Variants in CHEK2 observed in about 807,000 individuals in gnomAD.
CHEK2 encodes serine/threonine-protein kinase Chk2.
CHEK2 carries 71 observed loss-of-function variants against 69.1 expected under a neutral mutation model. The ratio of observed to expected loss-of-function variants is 1.03; its 90% confidence interval spans 0.85 to 1.25. The LOEUF (loss-of-function observed/expected upper bound fraction) is 1.25, where lower values mean the gene tolerates loss of function less well. Among genes scored for constraint, CHEK2 ranks in the 50% most tolerant of loss-of-function variants. The probability of loss-of-function intolerance (pLI) is 0.00; values close to 1 mark genes in which losing one functional copy is unlikely to be tolerated. For missense variants in CHEK2, 664 were observed against 649.6 expected (o/e 1.02, Z -0.24); for synonymous variants, 189 against 226.9 (o/e 0.83, Z 1.50).
intron 5 of CHEK2, 36 bp from the exon 6 acceptor site, chr22:28,712,053 GT>G (rs767849599): frequency 6.7e-7 from 1 of 1,485,850 alleles, no homozygotes; most frequent in African/African-American, 1.4e-5. Flanking sequence ...TTGTCTGAAT[GT>G]TTTTAATTAT....
Position 28,725,464 on chromosome 22 carries a change from G to A in CHEK2, c.320-97C>T, listed in dbSNP as rs2146074367. On this transcript the variant is annotated intron_variant, in intron 2 of 14. Transcript: ENST00000404276. The stretch of plus-strand genomic sequence containing the variant: ...TGCTAATTGTAGGAAAATAGCCTAA[G>A]AAGGCAATCAGAATTATCAATCTGC... The A allele has an allele frequency of 2.9e-6, 4 of 1,394,494 alleles. No individual in the cohort carries two copies. In the African/African-American group the frequency reaches 4.2e-5, roughly 15 times the overall value. 86.4% of individuals were successfully genotyped at this position (1,394,494 alleles called of 1,614,324 possible).
chr22:28,703,029 T>C (rs1335867882), intron 8 of CHEK2, among the ~76,000 whole-genome samples: 2 of 152,224 alleles, frequency 1.3e-5, no homozygotes, highest in African/African-American at 2.4e-5. Context: ...GTTGGTTGAA[T>C]ACACGGATGT....
At chr22:28,706,729 G>A (rs1471409491) in intron 7 of CHEK2, among the ~76,000 whole-genome samples, 1 of 152,136 alleles carries the variant, frequency 6.6e-6, no homozygotes, top group Non-Finnish European at 1.5e-5. Flanking sequence ...GACCAGCCTG[G>A]CCAACATGGC....
chr22:28,704,901 C>A (rs12167378), intron 7 of CHEK2, among the ~76,000 whole-genome samples: 6,835 of 152,136 alleles, frequency 0.045, 178 homozygotes, highest in Middle Eastern at 0.071. Flanking sequence ...ATGGAACCTT[C>A]CCACAATGAA....
In CHEK2 at chr22:28,723,267, T is replaced by C. The variant is rs545295243; in HGVS notation, c.592+1710A>G. 5.9e-5 allele frequency among the ~76,000 whole-genome samples: 9 copies of C among 152,278 alleles called. No individual in the cohort carries two copies. In the South Asian group the frequency reaches 1.4e-3, roughly 25 times the overall value. On this transcript the variant is annotated intron_variant, in intron 4 of 14. Coordinates refer to ENST00000404276, the MANE Select transcript of CHEK2 (RefSeq NM_007194.4). ...AGGTAGAAGCTCTAAAGTGAGCCTCTTACAGAAGCACTCACAGCCTAGTAC... is the reference window on the plus strand; with the variant it reads ...AGGTAGAAGCTCTAAAGTGAGCCTCCTACAGAAGCACTCACAGCCTAGTAC...
chr22:28,736,578 T>C (rs999363241), intron 1 of CHEK2, among the ~76,000 whole-genome samples: 2 of 152,244 alleles, frequency 1.3e-5, no homozygotes, highest in African/African-American at 2.4e-5. Context: ...GGAACCATTC[T>C]TTTATAAACT....
chr22:28,728,707 AAAAAC>A (rs868183885), intron 2 of CHEK2, among the ~76,000 whole-genome samples: 8 of 152,292 alleles, frequency 5.3e-5, no homozygotes, highest in African/African-American at 1.2e-4. Flanking sequence ...CTGTCTCCAA[AAAAAC>A]AAAACAAAAC....
At chr22:28,699,771 G>C (rs1160590472) in intron 9 of CHEK2, 67 bp downstream of exon 9, 15 of 1,085,490 alleles carry the variant, frequency 1.4e-5, no homozygotes, top group Non-Finnish European at 1.9e-5. Flanking sequence ...CTCGATTTCT[G>C]CCTAATTCAG....
chr22:28,706,298 T>TCTCA lies in CHEK2; in HGVS notation c.847-2733_847-2732insTGAG, dbSNP rs556713073. ...CCTGGCAACAGAGCAACACTCCAGC[T>TCTCA]CACACACACACACACACACACACAC... On this transcript the variant is annotated intron_variant, in intron 7 of 14. Transcript: ENST00000404276. Among the ~76,000 whole-genome samples the TCTCA allele has an allele frequency of 4.1e-5, 6 of 147,974 alleles. No homozygotes were observed. In the East Asian group the frequency reaches 8.0e-4, roughly 20 times the overall value.
At chr22:28,691,240 G>A (rs896540263) in intron 13 of CHEK2, among the ~76,000 whole-genome samples, 1 of 152,220 alleles carries the variant, frequency 6.6e-6, no homozygotes, top group Non-Finnish European at 1.5e-5. Flanking sequence ...AGCACTTTGG[G>A]AGGCCAAGGT....
At chr22:28,734,790 G>T (rs2146159458) in intron 1 of CHEK2, 63 bp from the exon 2 acceptor site, 161 of 1,157,230 alleles carry the variant, frequency 1.4e-4, no homozygotes, top group Non-Finnish European at 1.8e-4. Context: ...AAATTAAAAA[G>T]TAAATGATGG....
At chr22:28,723,785 C>G (rs2053889508) in intron 4 of CHEK2, among the ~76,000 whole-genome samples, 1 of 149,384 alleles carries the variant, frequency 6.7e-6, no homozygotes, top group South Asian at 2.1e-4. Flanking sequence ...CCGTCTCTAC[C>G]AAAAATACAA....
chr22:28,712,539 C>T (rs1160120048), intron 5 of CHEK2, among the ~76,000 whole-genome samples: 1 of 152,158 alleles, frequency 6.6e-6, no homozygotes, highest in Non-Finnish European at 1.5e-5. Flanking sequence ...AGAAACCAAA[C>T]GTATTACACA....
rs121908702 is a variant in CHEK2, at chr22:28,711,986, C to T, written c.715G>A (p.Glu239Lys). ...GACGEVKLAF[E>K]RKTCKKVAIK... ...GCTACTTTCTTACATGTTTTCCTCT[C>T]GAAAGCCAGCTTTACCTCTCCACAG... is the stretch of plus-strand genomic sequence containing the variant. Residue 239 changes from glutamate to lysine, a missense_variant, in exon 6 of 15, where the codon GAG (glutamate) becomes AAG (lysine). By Grantham distance (56) the Glu-to-Lys change is moderately conservative (BLOSUM62 1). Transcript: ENST00000404276. 1.1e-4 allele frequency: 176 copies of T among 1,613,900 alleles called. No individual in the cohort carries two copies. The highest frequency in any genetic ancestry group is 3.3e-4 in the Admixed American group (20 of 60,008).
rs540334065 is a variant in CHEK2 at position 28,730,326 on chromosome 22, A to G, written c.319+4077T>C. ...GAAGGGAAAGGAAAGCAGAAGGGAA[A>G]GGAAAGGAAAGGAAAAAAGAAAGGG... On this transcript the variant is annotated intron_variant, in intron 2 of 14. Coordinates refer to ENST00000404276, the MANE Select transcript of CHEK2 (RefSeq NM_007194.4). 727 of 439,690 alleles carry G rather than the reference A, an allele frequency of 1.7e-3. 6 individuals are homozygous for G. The highest frequency in any genetic ancestry group is 0.014 in the African/African-American group (659 of 46,380). 27.2% of individuals were successfully genotyped at this position (439,690 alleles called of 1,614,324 possible).
At chr22:28,724,293 A>G (rs2053908444) in intron 4 of CHEK2, among the ~76,000 whole-genome samples, 1 of 152,004 alleles carries the variant, frequency 6.6e-6, no homozygotes. Context: ...CTGTAATCCC[A>G]GCTACTTGGG....
chr22:28,733,564 CAACT>C (rs965775691), intron 2 of CHEK2, among the ~76,000 whole-genome samples: 26 of 152,142 alleles, frequency 1.7e-4, no homozygotes, highest in African/African-American at 5.3e-4. Flanking sequence ...CATTCTGCTG[CAACT>C]AACTAAGGCA....
At chr22:28,722,761 A>T (rs1384680966) in intron 4 of CHEK2, among the ~76,000 whole-genome samples, 2 of 152,070 alleles carry the variant, frequency 1.3e-5, no homozygotes, top group African/African-American at 4.8e-5. Flanking sequence ...GCTGGAGGGC[A>T]GTGGCTATTT....
chr22:28,736,421 C>T (rs546074413), intron 1 of CHEK2, among the ~76,000 whole-genome samples: 3 of 152,306 alleles, frequency 2.0e-5, no homozygotes, highest in South Asian at 4.1e-4. Context: ...TATTCCCTGA[C>T]ACCTAAGGAC....
Sources: allele counts gnomAD v4.1 joint callset (sites outside exome capture counted in the v4.1 genomes callset), GRCh38; gene constraint gnomAD v4.1.1; transcripts MANE v1.5; gene names NCBI Gene and HGNC (gene_info 2026-07-23, HGNC 2026-07-21).